CLRN1: variants seen among roughly 807,000 people sequenced by gnomAD.
The protein encoded by CLRN1 is clarin-1.
CLRN1 carries 15 observed loss-of-function variants against 18.7 expected under a neutral mutation model. That is an observed-to-expected ratio of 0.80 (90% CI 0.54 to 1.23). The LOEUF (loss-of-function observed/expected upper bound fraction) is 1.23, where lower values mean the gene tolerates loss of function less well. CLRN1 is among the 50% of genes most tolerant of loss of function. The pLI is 0.00. For synonymous variants in CLRN1, 104 were observed against 102.9 expected (o/e 1.01, Z -0.07); for missense variants, 311 against 277.5 (o/e 1.12, Z -0.86).
At chr3:150,944,106 G>A (rs1458615733) in intron 1 of CLRN1, 1 of 545,378 alleles carries the variant, frequency 1.8e-6, no homozygotes, top group South Asian at 2.0e-5. Context: ...AAAGTGAAAC[G>A]AGCTGACACC....
At chr3:150,940,508 G>A (rs1205610547) in intron 2 of CLRN1, 10 of 1,534,690 alleles carry the variant, frequency 6.5e-6, no homozygotes, top group Middle Eastern at 1.7e-4. Context: ...GTAGCTGGCA[G>A]CCAAAGGGCA....
chr3:150,929,849 A>G (rs1036555575), intron 2 of CLRN1, among the ~76,000 whole-genome samples: 3 of 152,202 alleles, frequency 2.0e-5, no homozygotes, highest in East Asian at 3.9e-4. Context: ...AATGTATTAC[A>G]GTGTCTTTTT....
intron 2 of CLRN1, among the ~76,000 whole-genome samples, chr3:150,933,402 G>T (rs1713273996): frequency 6.6e-6 from 1 of 152,166 alleles, no homozygotes; most frequent in Non-Finnish European, 1.5e-5. Flanking sequence ...ATGGCCAGGG[G>T]AGGCCTCATA....
chr3:150,972,387 A>G (rs904671349), intron 1 of CLRN1, 69 bp downstream of exon 1: 2 of 1,609,640 alleles, frequency 1.2e-6, no homozygotes, highest in Non-Finnish European at 1.7e-6. Flanking sequence ...ATTCTCAAAT[A>G]TAATTCCTCG....
chr3:150,946,591 C>A (rs911471428), intron 1 of CLRN1, among the ~76,000 whole-genome samples: 1 of 150,202 alleles, frequency 6.7e-6, no homozygotes, highest in Non-Finnish European at 1.5e-5. Context: ...TAAACGAAGA[C>A]ATAAAAATTC....
At chr3:150,957,833 T>A (rs569630179) in intron 1 of CLRN1, among the ~76,000 whole-genome samples, 5 of 152,122 alleles carry the variant, frequency 3.3e-5, no homozygotes, top group Admixed American at 6.5e-5. Flanking sequence ...ATTTTTGTGT[T>A]TTTTTAGTAG....
At chr3:150,940,551 A>C in intron 2 of CLRN1, 1 of 1,530,582 alleles carries the variant, frequency 6.5e-7, no homozygotes, top group Non-Finnish European at 8.8e-7. Context: ...TCGAATAGAG[A>C]TTTTCATTAC....
intron 1 of CLRN1, among the ~76,000 whole-genome samples, chr3:150,964,554 G>A (rs913839653): frequency 6.6e-6 from 1 of 152,046 alleles, no homozygotes; most frequent in Non-Finnish European, 1.5e-5. Context: ...CCCATTACTG[G>A]GTCTATACCC....
chr3:150,950,546 G>GA (rs1195394539), intron 1 of CLRN1, among the ~76,000 whole-genome samples: 1 of 152,036 alleles, frequency 6.6e-6, no homozygotes, highest in Admixed American at 6.5e-5. Flanking sequence ...CAACGAACAT[G>GA]AAAAAAAGCT....
At chr3:150,950,409 T>C (rs531488517) in intron 1 of CLRN1, among the ~76,000 whole-genome samples, 2 of 152,276 alleles carry the variant, frequency 1.3e-5, no homozygotes, top group African/African-American at 4.8e-5. Context: ...TTGCAAGCTA[T>C]ACATCTGACA....
chr3:150,950,030 T>C (rs1714401040), intron 1 of CLRN1, among the ~76,000 whole-genome samples: 1 of 152,086 alleles, frequency 6.6e-6, no homozygotes, highest in Non-Finnish European at 1.5e-5. Flanking sequence ...CATCTGATCT[T>C]CAACAAACCT....
chr3:150,968,632 C>T (rs187753853), intron 1 of CLRN1, among the ~76,000 whole-genome samples: 1 of 152,318 alleles, frequency 6.6e-6, no homozygotes, highest in Admixed American at 6.5e-5. Context: ...GTCCATTTTT[C>T]ATTCTCATGT....
intron 1 of CLRN1, among the ~76,000 whole-genome samples, chr3:150,948,295 T>C (rs1207426530): frequency 6.7e-6 from 1 of 148,884 alleles, no homozygotes; most frequent in Non-Finnish European, 1.5e-5. Context: ...CCATCCTGGC[T>C]AACACGGTGA....
chr3:150,962,460 A>AT (rs575064311), intron 1 of CLRN1, among the ~76,000 whole-genome samples: 1 of 151,966 alleles, frequency 6.6e-6, no homozygotes, highest in Non-Finnish European at 1.5e-5. Context: ...GTTTGTTTTT[A>AT]TTTTTTTTCA....
intron 1 of CLRN1, among the ~76,000 whole-genome samples, chr3:150,956,547 T>C (rs1186378963): frequency 6.6e-6 from 1 of 152,146 alleles, no homozygotes; most frequent in Non-Finnish European, 1.5e-5. Context: ...TACCTTGGCA[T>C]GCAGAGAGAG....
At chr3:150,935,972 A>G (rs911221913) in intron 2 of CLRN1, among the ~76,000 whole-genome samples, 39 of 151,524 alleles carry the variant, frequency 2.6e-4, no homozygotes, top group East Asian at 7.8e-4. Context: ...CATGTCCTTC[A>G]CCCACTTTTT....
At chr3:150,935,205 A>G (rs1212251729) in intron 2 of CLRN1, among the ~76,000 whole-genome samples, 2 of 151,712 alleles carry the variant, frequency 1.3e-5, no homozygotes, top group Non-Finnish European at 2.9e-5. Flanking sequence ...CAGGTTAGGT[A>G]CATATGTATA....
At chr3:150,954,618 A>T (rs1483250230) in intron 1 of CLRN1, among the ~76,000 whole-genome samples, 1 of 151,948 alleles carries the variant, frequency 6.6e-6, no homozygotes, top group African/African-American at 2.4e-5. Context: ...ATTTTTATGA[A>T]CTCCAATTTA....
At chr3:150,946,031 T>TATTCATACAATGCTGTACAA (rs1714147773) in intron 1 of CLRN1, among the ~76,000 whole-genome samples, 1 of 152,208 alleles carries the variant, frequency 6.6e-6, no homozygotes, top group African/African-American at 2.4e-5. Context: ...AGCAGTAGCA[T>TATTCATACAATGCTGTACAA]ATTCATACAA....
Sources: allele counts gnomAD v4.1 joint callset (sites outside exome capture counted in the v4.1 genomes callset), GRCh38; gene constraint gnomAD v4.1.1; transcripts MANE v1.5; gene names NCBI Gene and HGNC (gene_info 2026-07-23, HGNC 2026-07-21).